ZNF362: variants seen among roughly 807,000 people sequenced by gnomAD.
ZNF362 encodes the protein zinc finger protein 362.
ZNF362 carries 11 observed loss-of-function variants against 42.9 expected under a neutral mutation model. The ratio of observed to expected loss-of-function variants is 0.26; its 90% CI spans 0.16 to 0.42. The LOEUF (loss-of-function observed/expected upper bound fraction) is 0.42, where lower values mean the gene tolerates loss of function less well. ZNF362 is among the 20% of genes least tolerant of loss of function. ZNF362 has a pLI of 1.00. For missense variants in ZNF362, 362 were observed against 576.2 expected, an observed-to-expected ratio of 0.63 and a Z score of 3.81; for synonymous variants, 255 against 257.3, an observed-to-expected ratio of 0.99 and a Z score of 0.09.
the ZNF362 span, among the ~76,000 whole-genome samples, chr1:33,233,655 C>T: frequency 2.0e-5 from 3 of 152,294 alleles, no homozygotes; most frequent in South Asian, 2.1e-4. Flanking sequence ...CAGCCTGCCT[C>T]GGCCTCCCAA....
Position 33,294,389 on chromosome 1 carries a change from G to T in ZNF362, c.909-548G>T, listed in dbSNP as rs1646101957. Among the ~76,000 whole-genome samples, 1 of 152,194 alleles carries T rather than the reference G, an allele frequency of 6.6e-6. No homozygotes were observed. Among genetic ancestry groups the T allele is most frequent in the Non-Finnish European group, 1.5e-5 (1 of 68,032 alleles). On this transcript the variant is annotated intron_variant, in intron 6 of 8. Coordinates refer to ENST00000539719, the MANE Select transcript of ZNF362 (RefSeq NM_152493.3). The surrounding 1 kb of genome is among the most constrained non-coding windows in gnomAD (Gnocchi z 4.2). ...GAGCTCTCAGGAAGGACACAGAGGGGCTGAGCTTCAGGGCCATGCTGTCCC... is the reference window on the plus strand; with the variant it reads ...GAGCTCTCAGGAAGGACACAGAGGGTCTGAGCTTCAGGGCCATGCTGTCCC...
intron 4 of ZNF362, among the ~76,000 whole-genome samples, chr1:33,279,709 CTTA>C (rs1645977219): frequency 6.7e-6 from 1 of 149,828 alleles, no homozygotes; most frequent in African/African-American, 2.5e-5. Flanking sequence ...TTCTTTCCTA[CTTA>C]TTTTTTTGTG....
intron 4 of ZNF362, among the ~76,000 whole-genome samples, chr1:33,278,517 T>C (rs1012960768): frequency 2.0e-5 from 3 of 152,198 alleles, no homozygotes; most frequent in African/African-American, 4.8e-5. Flanking sequence ...AATGGATAAA[T>C]TCACCAGGTA....
chr1:33,287,033 C>G (rs754632014), intron 6 of ZNF362, among the ~76,000 whole-genome samples: 1 of 152,180 alleles, frequency 6.6e-6, no homozygotes. Flanking sequence ...CTTAATTGGC[C>G]TGCAGCGTGA....
At chr1:33,176,238 T>C in the ZNF362 span, among the ~76,000 whole-genome samples, 59 of 152,366 alleles carry the variant, frequency 3.9e-4, no homozygotes, top group African/African-American at 1.3e-3. Flanking sequence ...TTTCTCTCTC[T>C]TTATACAGAA....
chr1:33,161,067 T>G, the ZNF362 span, among the ~76,000 whole-genome samples: 3 of 152,270 alleles, frequency 2.0e-5, no homozygotes, highest in Non-Finnish European at 4.4e-5. This position sits in a 1 kb window ranked among gnomAD's most constrained non-coding sequence, Gnocchi z 4.3. Context: ...CTGTGAACCT[T>G]AGTTTTCTTA....
chr1:33,245,446 T>C, the ZNF362 span, among the ~76,000 whole-genome samples: 1 of 152,078 alleles, frequency 6.6e-6, no homozygotes, highest in Admixed American at 6.5e-5. Flanking sequence ...GTGGGTTAAA[T>C]GGTGCCCACC....
At chr1:33,157,827 G>C in the ZNF362 span, among the ~76,000 whole-genome samples, 1 of 151,840 alleles carries the variant, frequency 6.6e-6, no homozygotes, top group Admixed American at 6.6e-5. Flanking sequence ...CTCAGTCTCA[G>C]CTCACTGCAA....
At chr1:33,278,042 G>A (rs1051063404) in intron 4 of ZNF362, among the ~76,000 whole-genome samples, 11 of 152,174 alleles carry the variant, frequency 7.2e-5, no homozygotes, top group Admixed American at 2.6e-4. Context: ...GGCCCCAGCC[G>A]CACTCTGTAT....
At chr1:33,257,561 G>A (rs1412260263) in intron 1 of ZNF362, among the ~76,000 whole-genome samples, 1 of 151,998 alleles carries the variant, frequency 6.6e-6, no homozygotes. Context: ...CGGGATGGGG[G>A]TGGGGGGGCG....
chr1:33,254,249 C>T (rs1205232005), upstream of ZNF362, among the ~76,000 whole-genome samples: 5 of 152,162 alleles, frequency 3.3e-5, no homozygotes. Flanking sequence ...GCCTCAGACT[C>T]CTGAGTAGCT....
chr1:33,282,385 A>G (rs1360314313), intron 6 of ZNF362, among the ~76,000 whole-genome samples: 1 of 152,252 alleles, frequency 6.6e-6, no homozygotes, highest in African/African-American at 2.4e-5. Context: ...ACAAATACTT[A>G]TAGAAACTTT....
chr1:33,254,007 T>A (rs1407053694), upstream of ZNF362, among the ~76,000 whole-genome samples: 1 of 152,218 alleles, frequency 6.6e-6, no homozygotes, highest in Non-Finnish European at 1.5e-5. Flanking sequence ...TGTTACTATT[T>A]GTTACGATTT....
intron 1 of ZNF362, chr1:33,261,492 G>A (rs1645827655): frequency 6.6e-6 from 1 of 152,114 alleles, no homozygotes; most frequent in Admixed American, 6.5e-5. Flanking sequence ...GAGGCAGACA[G>A]CCTCGGTGCA....
chr1:33,286,418 C>G (rs556149139), intron 6 of ZNF362, among the ~76,000 whole-genome samples: 1 of 151,582 alleles, frequency 6.6e-6, no homozygotes, highest in African/African-American at 2.4e-5. Context: ...AATTAACAGG[C>G]CTTTGAAGGA....
rs148938876 is a variant in ZNF362, at chr1:33,283,682, G to A, written c.908+1871G>A. Among the ~76,000 whole-genome samples the A allele has an allele frequency of 3.0e-3, 451 of 152,206 alleles. 1 individual carries two copies. The highest frequency in any genetic ancestry group is 0.011 in the African/African-American group (439 of 41,512). On this transcript the variant is annotated intron_variant, in intron 6 of 8. Coordinates refer to ENST00000539719, the MANE Select transcript of ZNF362 (RefSeq NM_152493.3). ...GTCACACCACTGCACTCCAGCCTGG[G>A]GGACAGAGTGAGACCCTGTCTCAAA...
chr1:33,193,106 C>G, the ZNF362 span, among the ~76,000 whole-genome samples: 71 of 151,456 alleles, frequency 4.7e-4, no homozygotes, highest in African/African-American at 1.6e-3. Context: ...TTATCTCTTA[C>G]GCTAAATAAA....
chr1:33,249,233 A>T, the ZNF362 span, among the ~76,000 whole-genome samples: 2 of 152,150 alleles, frequency 1.3e-5, no homozygotes, highest in East Asian at 1.9e-4. Context: ...TTCTGAGAGG[A>T]GTGCCTGTGC....
the ZNF362 span, among the ~76,000 whole-genome samples, chr1:33,213,078 GT>G: frequency 6.6e-6 from 1 of 152,148 alleles, no homozygotes; most frequent in Non-Finnish European, 1.5e-5. Context: ...CAAAATAATT[GT>G]GCTGAGTGAA....
Sources: allele counts gnomAD v4.1 joint callset (sites outside exome capture counted in the v4.1 genomes callset), GRCh38; gene constraint gnomAD v4.1.1; non-coding constraint Gnocchi (gnomAD v3.1); transcripts MANE v1.5; gene names NCBI Gene and HGNC (gene_info 2026-07-23, HGNC 2026-07-21).